CENPE: variants seen among roughly 807,000 people sequenced by gnomAD.
CENPE encodes the protein centromere protein E.
In CENPE, 145 loss-of-function variants were observed where a neutral mutation model predicts 336.1. The observed-to-expected ratio is 0.43, with a 90% confidence interval of 0.38 to 0.50. The LOEUF is 0.50. Among genes scored for constraint, CENPE ranks in the 20% least tolerant of loss-of-function variants. CENPE has a pLI of 0.00. For missense variants in CENPE, 2,719 were observed against 3,023.3 expected (o/e 0.90, Z 2.36); for synonymous variants, 1,013 against 984.8 (o/e 1.03, Z -0.54).
At position 103,174,871 on chromosome 4, in the gene CENPE, A is replaced by G; in HGVS notation, c.1512T>C (p.Arg504=). 1 of 1,500,956 alleles carries G rather than the reference A, an allele frequency of 6.7e-7. No individual in the cohort carries two copies. The highest frequency in any genetic ancestry group is 8.9e-7 in the Non-Finnish European group (1 of 1,128,442). 93.0% of individuals were successfully genotyped at this position (1,500,956 alleles called of 1,614,324 possible). The change falls in exon 16 of 49, where the codon CGT becomes CGC. Residue 504 remains arginine, a synonymous_variant. Coordinates refer to ENST00000265148, the MANE Select transcript of CENPE (RefSeq NM_001813.3). The part of the protein sequence containing the change: ...ENIESELNSL[R]ADYDNLVLDY... Reference sequence around the variant, plus strand: ...CTAATACCAGATTATCATAGTCAGCACGAAGTGAGTTCAACTCACTTTCTA... The same window carrying G: ...CTAATACCAGATTATCATAGTCAGCGCGAAGTGAGTTCAACTCACTTTCTA...
At chr4:103,120,995 C>G (rs1487075948) in intron 43 of CENPE, among the ~76,000 whole-genome samples, 2 of 152,170 alleles carry the variant, frequency 1.3e-5, no homozygotes, top group African/African-American at 2.4e-5. Context: ...CTTGGCCTCC[C>G]AAAGTGCTGG....
At chr4:103,176,268 C>T (rs946849802) in intron 14 of CENPE, among the ~76,000 whole-genome samples, 3 of 152,072 alleles carry the variant, frequency 2.0e-5, no homozygotes, top group Non-Finnish European at 2.9e-5. Flanking sequence ...TGACACAATA[C>T]AGGATCCTTA....
intron 16 of CENPE, among the ~76,000 whole-genome samples, chr4:103,166,997 A>G (rs1754979762): frequency 6.6e-6 from 1 of 152,152 alleles, no homozygotes; most frequent in Admixed American, 6.5e-5. Context: ...TTTTATACTT[A>G]GAAAATGAGT....
intron 10 of CENPE, 98 bp from the exon 11 acceptor site, chr4:103,182,989 T>G: frequency 7.9e-7 from 1 of 1,269,972 alleles, no homozygotes; most frequent in South Asian, 1.5e-5. Flanking sequence ...AGCCAGAGTT[T>G]CAAAAATTAG....
At chr4:103,184,655 C>G (rs1208461061) in intron 9 of CENPE, among the ~76,000 whole-genome samples, 3 of 151,992 alleles carry the variant, frequency 2.0e-5, no homozygotes, top group African/African-American at 7.2e-5. Flanking sequence ...GTATTTGGGA[C>G]TCTTGATGGA....
At position 103,105,932 on chromosome 4, in the gene CENPE, A is replaced by G; in HGVS notation, c.*290T>C. 1 of 213,322 alleles carries G rather than the reference A, an allele frequency of 4.7e-6. No homozygotes were observed. The highest frequency in any genetic ancestry group is 9.2e-6 in the Non-Finnish European group (1 of 108,110). 13.2% of individuals were successfully genotyped at this position (213,322 alleles called of 1,614,324 possible). On this transcript the variant is annotated 3_prime_UTR_variant, in exon 49 of 49. Transcript: ENST00000265148. ...CTTTGGAATATGCTAAGTCATGTAG[A>G]TAACTTTACATTTCTTTCAATAACT... is the stretch of plus-strand genomic sequence containing the variant.
intron 40 of CENPE, 81 bp from the exon 41 acceptor site, chr4:103,133,973 G>A (rs995726040): frequency 1.2e-6 from 1 of 834,442 alleles, no homozygotes; most frequent in Non-Finnish European, 1.9e-6. Flanking sequence ...AGACTATGAG[G>A]TAGGATGACA....
chr4:103,121,883 T>C (rs1036118977), intron 43 of CENPE, among the ~76,000 whole-genome samples: 2 of 152,128 alleles, frequency 1.3e-5, no homozygotes, highest in African/African-American at 4.8e-5. Flanking sequence ...TCCCACTGAA[T>C]TGAATGTTAC....
rs1560645622 is a variant in CENPE at position 103,161,162 on chromosome 4, A to G, written c.2055T>C (p.Asp685=). The G allele has an allele frequency of 6.2e-7, 1 of 1,612,528 alleles. No individual in the cohort carries two copies. Among genetic ancestry groups the G allele is most frequent in the Admixed American group, 1.7e-5 (1 of 59,828 alleles). Residue 685 remains aspartate, a synonymous_variant, in exon 20 of 49, where the codon GAT becomes GAC. Coordinates refer to ENST00000265148, the MANE Select transcript of CENPE (RefSeq NM_001813.3). ...QLEAKKKMQV[D]LEKELQSAFN... ...AAGCAGATTGTAATTCTTTCTCCAG[A>G]TCAACTTGCATTTTCTTTTTTGCCT...
At position 103,160,728 on chromosome 4, in the gene CENPE, T is replaced by C. The variant is rs1754373792; in HGVS notation, c.2183A>G (p.Glu728Gly). The change falls in exon 21 of 49, where the codon GAA becomes GGA. Residue 728 changes from glutamate to glycine, a missense_variant. By Grantham distance (98) the Glu-to-Gly change is moderately conservative. Around this residue, in one of 5 missense-constraint regions of CENPE, gnomAD observed 2,437 missense variants for 2,513.3 expected, o/e 0.97. Coordinates refer to ENST00000265148, the MANE Select transcript of CENPE (RefSeq NM_001813.3). ...ATTTTCTTCAACTTCTTTATTTAGT[T>C]CTTTCTGAAGATCAGTAATCTTTCC... ...LEGKITDLQK[E>G]LNKEVEENEA... 6.2e-7 allele frequency: 1 copy of C among 1,609,250 alleles called. No homozygotes were observed. The highest frequency in any genetic ancestry group is 1.3e-5 in the African/African-American group (1 of 74,610).
chr4:103,113,518 T>C (rs1749778647), intron 46 of CENPE, among the ~76,000 whole-genome samples: 1 of 140,124 alleles, frequency 7.1e-6, no homozygotes, highest in African/African-American at 2.7e-5. Flanking sequence ...TATTATAATA[T>C]ATATTATATA....
intron 9 of CENPE, among the ~76,000 whole-genome samples, chr4:103,185,278 C>A (rs932835915): frequency 5.2e-4 from 78 of 148,786 alleles, no homozygotes; most frequent in African/African-American, 1.8e-3. Flanking sequence ...GCACTCCAGC[C>A]TGGGAGACAG....
At chr4:103,191,664 G>GGA (rs1553939886) in intron 8 of CENPE, among the ~76,000 whole-genome samples, 2 of 145,460 alleles carry the variant, frequency 1.4e-5, no homozygotes, top group Non-Finnish European at 3.0e-5. Context: ...GGGGGGAGGG[G>GGA]GGGATAGCAT....
intron 15 of CENPE, 51 bp from the exon 16 acceptor site, chr4:103,174,954 G>A (rs1755732444): frequency 8.9e-7 from 1 of 1,128,274 alleles, no homozygotes; most frequent in Non-Finnish European, 1.2e-6. Context: ...AATATTTTTT[G>A]TTTCCTTAAT....
chr4:103,179,220 C>A (rs573889957), intron 13 of CENPE, among the ~76,000 whole-genome samples: 1 of 152,214 alleles, frequency 6.6e-6, no homozygotes, highest in Non-Finnish European at 1.5e-5. Flanking sequence ...ATCCAATTCA[C>A]TCCAACTCCA....
chr4:103,153,301 T>C (rs767976489), intron 24 of CENPE, 51 bp from the exon 25 acceptor site: 1 of 1,239,452 alleles, frequency 8.1e-7, no homozygotes, highest in South Asian at 1.4e-5. Context: ...TAACAACAAC[T>C]TTAAAAAATA....
At chr4:103,172,756 A>C (rs1376152864) in intron 16 of CENPE, among the ~76,000 whole-genome samples, 1 of 152,074 alleles carries the variant, frequency 6.6e-6, no homozygotes. Context: ...TGCAGGATAC[A>C]AAATCAACAT....
At chr4:103,125,488 T>G (rs1751007883) in intron 42 of CENPE, among the ~76,000 whole-genome samples, 1 of 152,100 alleles carries the variant, frequency 6.6e-6, no homozygotes, top group South Asian at 2.1e-4. Flanking sequence ...CTCAGTACAT[T>G]TGGGCTGATC....
intron 39 of CENPE, among the ~76,000 whole-genome samples, chr4:103,138,054 T>G (rs755755237): frequency 9.9e-5 from 15 of 152,210 alleles, no homozygotes; most frequent in Admixed American, 3.9e-4. Flanking sequence ...TACTCGCTGT[T>G]CCCTTTGCCT....
Sources: allele counts gnomAD v4.1 joint callset (sites outside exome capture counted in the v4.1 genomes callset), GRCh38; gene constraint gnomAD v4.1.1; regional missense constraint gnomAD v4.1.1; transcripts MANE v1.5; gene names NCBI Gene and HGNC (gene_info 2026-07-23, HGNC 2026-07-21).